Variants in SLCO4A1 observed in about 807,000 individuals in gnomAD.
The protein encoded by SLCO4A1 is colon organic anion transporter.
A neutral mutation model predicts 64.6 loss-of-function variants in SLCO4A1; 51 were observed. The ratio of observed to expected loss-of-function variants is 0.79; its 90% confidence interval spans 0.63 to 1.00. The LOEUF is 1.00. Among genes scored for constraint, SLCO4A1 ranks in the 50% least tolerant of loss-of-function variants. SLCO4A1 has a pLI of 0.00. For synonymous variants in SLCO4A1, 471 were observed against 444.9 expected, an observed-to-expected ratio of 1.06 and a Z score of -0.74; for missense variants, 919 against 980.5, an observed-to-expected ratio of 0.94 and a Z score of 0.84.
intron 4 of SLCO4A1, 143 bp downstream of exon 4, chr20:62,660,676 A>T (rs1331293863): frequency 9.2e-6 from 10 of 1,083,828 alleles, no homozygotes; most frequent in Non-Finnish European, 1.2e-5. Context: ...TGTTCTTCCC[A>T]TCTGGGTGGA....
At position 62,666,388 on chromosome 20, in the gene SLCO4A1, G is replaced by T. The variant is rs757393385; in HGVS notation, c.1285G>T (p.Val429Leu). 1.9e-6 allele frequency: 3 copies of T among 1,612,760 alleles called. No homozygotes were observed. The Admixed American group carries it at 5.0e-5, about 27-fold the overall frequency. ...TCCCTCCCTCTCCCCAGGGTACCTG[G>T]TGGTGCCAGCGGGTGGTGGCGGCAC... Reference protein sequence around the residue: ...SEAATLFGYLVVPAGGGGTFL... With the variant: ...SEAATLFGYLLVPAGGGGTFL... Residue 429 changes from valine to leucine, a missense_variant, in exon 7 of 12, where the codon GTG becomes TTG. Physicochemically the swap from Val to Leu is conservative, Grantham distance 32. Transcript: ENST00000217159.
rs899685865 is a variant in SLCO4A1, at chr20:62,685,101, G to A, written n.212-340G>A. Among the ~76,000 whole-genome samples, 2 of 152,080 alleles carry A rather than the reference G, an allele frequency of 1.3e-5. No homozygotes were observed. The highest frequency in any genetic ancestry group is 2.4e-5 in the African/African-American group (1 of 41,392). Reference sequence around the variant, plus strand: ...ATGGAGTGCATGGAGGTTGGGGCACGTGTGACCAGCCAGGGTCATAAAACA... The same window carrying A: ...ATGGAGTGCATGGAGGTTGGGGCACATGTGACCAGCCAGGGTCATAAAACA... On this transcript the variant is annotated intron_variant and non_coding_transcript_variant, in intron 2 of 2. Transcript: ENST00000466818. The surrounding 1 kb of genome is among the most constrained non-coding windows in gnomAD (Gnocchi z 4.6).
intron 2 of SLCO4A1, among the ~76,000 whole-genome samples, chr20:62,681,513 T>C (rs1280876552): frequency 9.1e-6 from 1 of 110,004 alleles, no homozygotes; most frequent in African/African-American, 3.6e-5. Flanking sequence ...TGTGCGCGTG[T>C]TTATTAAGCC....
intron 2 of SLCO4A1, among the ~76,000 whole-genome samples, chr20:62,657,611 A>G (rs1983981706): frequency 6.6e-6 from 1 of 152,182 alleles, no homozygotes; most frequent in Non-Finnish European, 1.5e-5. Flanking sequence ...CCGGCTGGGA[A>G]CCTGGCACTT....
At chr20:62,669,223 A>G (rs1259231386) in intron 11 of SLCO4A1, 145 bp downstream of exon 11, 1 of 815,094 alleles carries the variant, frequency 1.2e-6, no homozygotes, top group Admixed American at 2.4e-5. Flanking sequence ...CCCTTCCCAC[A>G]TTCCTCATGA....
In SLCO4A1 at chr20:62,657,183, C is replaced by T; in HGVS notation, c.729C>T (p.Pro243=). The change falls in exon 2 of 12, where the codon CCC becomes CCT. Residue 243 remains proline (P), a synonymous_variant. Coordinates refer to ENST00000217159, the MANE Select transcript of SLCO4A1 (RefSeq NM_016354.4). The part of the protein sequence containing the change: ...GQFLHGVGAT[P]LYTLGVTYLD... ...TCCTGCATGGCGTGGGTGCCACACC[C>T]CTCTACACGCTGGGCGTCACCTACC... 6.4e-7 allele frequency: 1 copy of T among 1,552,966 alleles called. No homozygotes were observed. Among genetic ancestry groups the T allele is most frequent in the African/African-American group, 1.4e-5 (1 of 73,358 alleles).
At chr20:62,650,728 A>G (rs1211487946) in intron 1 of SLCO4A1, 3 of 152,174 alleles carry the variant, frequency 2.0e-5, no homozygotes, top group African/African-American at 7.2e-5. Flanking sequence ...GCCTCCACCA[A>G]GCATGCGTCT....
At chr20:62,671,376 AG>A (rs1230779271) in intron 11 of SLCO4A1, among the ~76,000 whole-genome samples, 1 of 152,090 alleles carries the variant, frequency 6.6e-6, no homozygotes, top group Non-Finnish European at 1.5e-5. Context: ...TGAGGACACC[AG>A]TCATTGGATT....
chr20:62,672,096 A>G lies in SLCO4A1; in HGVS notation c.*203A>G. The G allele has an allele frequency of 1.4e-6, 2 of 1,446,434 alleles. No homozygotes were observed. The highest frequency in any genetic ancestry group is 1.4e-5 in the South Asian group (1 of 70,666). 89.6% of individuals were successfully genotyped at this position (1,446,434 alleles called of 1,614,324 possible). ...GTGGGAGGAACTTGCATAAATATAT[A>G]TTTATGGACACACAGTTTGCATCAG... is the stretch of plus-strand genomic sequence containing the variant. On this transcript the variant is annotated 3_prime_UTR_variant, in exon 12 of 12. Transcript: ENST00000217159.
chr20:62,683,259 G>A (rs574336296), intron 2 of SLCO4A1, among the ~76,000 whole-genome samples: 5 of 152,126 alleles, frequency 3.3e-5, no homozygotes, highest in African/African-American at 7.2e-5. Context: ...ATTCCAAGTC[G>A]TGTTGGGCTT....
At chr20:62,654,475 C>T (rs987180800) in intron 1 of SLCO4A1, among the ~76,000 whole-genome samples, 2 of 152,098 alleles carry the variant, frequency 1.3e-5, no homozygotes, top group African/African-American at 4.8e-5. Flanking sequence ...ATCACCCAGC[C>T]CAGGTCCCCA....
intron 1 of SLCO4A1, among the ~76,000 whole-genome samples, chr20:62,654,994 G>A (rs1378998368): frequency 6.6e-6 from 1 of 152,186 alleles, no homozygotes; most frequent in African/African-American, 2.4e-5. Context: ...ATGGACACCG[G>A]TCAGATTGGA....
chr20:62,660,918 C>G, intron 4 of SLCO4A1, 146 bp from the exon 5 acceptor site: 1 of 634,274 alleles, frequency 1.6e-6, no homozygotes, highest in Non-Finnish European at 2.7e-6. Context: ...TGCCGCCTCC[C>G]CGGGGCTGCG....
At chr20:62,675,371 G>A (rs1276929700), downstream of SLCO4A1, among the ~76,000 whole-genome samples, 3 of 152,128 alleles carry the variant, frequency 2.0e-5, no homozygotes, top group Middle Eastern at 3.4e-3. Context: ...GGCCACCCAC[G>A]CGGGCTCTGC....
chr20:62,679,681 A>T (rs149670562), intron 2 of SLCO4A1, among the ~76,000 whole-genome samples: 11 of 152,306 alleles, frequency 7.2e-5, no homozygotes, highest in Non-Finnish European at 1.0e-4. Flanking sequence ...CACTTTTTAC[A>T]AGCCAGTTTT....
chr20:62,662,775 G>A (rs2147090021), intron 5 of SLCO4A1, among the ~76,000 whole-genome samples: 1 of 140,518 alleles, frequency 7.1e-6, no homozygotes, highest in South Asian at 2.3e-4. Flanking sequence ...CCCCCAGGGT[G>A]CCCACTCCAG....
At chr20:62,690,352 G>A (rs776219433), downstream of SLCO4A1, among the ~76,000 whole-genome samples, 2 of 152,162 alleles carry the variant, frequency 1.3e-5, no homozygotes, top group Non-Finnish European at 2.9e-5. Context: ...AACAGAGGGT[G>A]TCACCTGCAC....
chr20:62,656,490 C>A lies in SLCO4A1; in HGVS notation c.36C>A (p.Thr12=). The change falls in exon 2 of 12, where the codon ACC becomes ACA. Residue 12 remains threonine, a synonymous_variant. Transcript: ENST00000217159. Reference sequence around the variant, plus strand: ...ATCAGCTGGGGGACAAGCCGCTCACCTTCCCCAGCCCCAACTCAGCCATGG... The same window carrying A: ...ATCAGCTGGGGGACAAGCCGCTCACATTCCCCAGCCCCAACTCAGCCATGG... ...PLHQLGDKPL[T]FPSPNSAMEN... is the part of the protein sequence containing the mutation. 6.5e-7 allele frequency: 1 copy of A among 1,529,450 alleles called. No individual in the cohort carries two copies. Among genetic ancestry groups the A allele is most frequent in the South Asian group, 1.2e-5 (1 of 82,666 alleles). 94.7% of individuals were successfully genotyped at this position (1,529,450 alleles called of 1,614,324 possible).
At chr20:62,666,882 G>A (rs1986448577) in intron 7 of SLCO4A1, among the ~76,000 whole-genome samples, 3 of 152,148 alleles carry the variant, frequency 2.0e-5, no homozygotes, top group African/African-American at 7.2e-5. Flanking sequence ...CTAGTGTTCG[G>A]GGTCCTTGAG....
Sources: allele counts gnomAD v4.1 joint callset (sites outside exome capture counted in the v4.1 genomes callset), GRCh38; gene constraint gnomAD v4.1.1; non-coding constraint Gnocchi (gnomAD v3.1); transcripts MANE v1.5; gene names NCBI Gene and HGNC (gene_info 2026-07-23, HGNC 2026-07-21).